The following TRMT9B variants were observed in gnomAD, a reference collection of about 807,000 sequenced individuals.
TRMT9B encodes the protein probable tRNA methyltransferase 9B.
Under a neutral mutation model 11.5 loss-of-function variants are expected in TRMT9B, and 16 were observed. The observed-to-expected ratio is 1.39, with a 90% CI of 0.94 to 2.11. The LOEUF (loss-of-function observed/expected upper bound fraction) is 2.11, where lower values mean the gene tolerates loss of function less well. Ranked by LOEUF, TRMT9B falls within the 30% of genes most tolerant of loss-of-function variation. TRMT9B has a pLI of 0.00. For synonymous variants in TRMT9B, 274 were observed against 192.4 expected, an observed-to-expected ratio of 1.42 and a Z score of -3.51; for missense variants, 941 against 553.8, an observed-to-expected ratio of 1.70 and a Z score of -7.02.
chr8:13,009,134 G>A (rs1384531136), intron 3 of TRMT9B, among the ~76,000 whole-genome samples: 5 of 152,108 alleles, frequency 3.3e-5, no homozygotes, highest in Non-Finnish European at 5.9e-5. Context: ...ATTATGCTAG[G>A]TGAAATCAGC....
intron 1 of TRMT9B, among the ~76,000 whole-genome samples, chr8:12,983,852 GT>G (rs1361498749): frequency 6.6e-6 from 1 of 152,106 alleles, no homozygotes; most frequent in Admixed American, 6.5e-5. Context: ...GCTCTTATTT[GT>G]TGCTGTTAAC....
chr8:13,009,764 A>G (rs775006877), intron 3 of TRMT9B, among the ~76,000 whole-genome samples: 2 of 152,194 alleles, frequency 1.3e-5, no homozygotes, highest in Non-Finnish European at 2.9e-5. Flanking sequence ...AAACCTGCCT[A>G]GCATTCTATG....
In TRMT9B at chr8:13,025,656, T is replaced by C. The variant is rs1248975694; in HGVS notation, c.*3612T>C. ...CAAAATAATGTTATAGTGAGAATCA[T>C]TCAAGCACCTATTTAAATTTTTTCC... On this transcript the variant is annotated 3_prime_UTR_variant, in exon 5 of 5. Transcript: ENST00000524591. 1 of 167,096 alleles carries C rather than the reference T, an allele frequency of 6.0e-6. No homozygotes were observed. The highest frequency in any genetic ancestry group is 1.5e-5 in the Non-Finnish European group (1 of 68,124). 10.4% of individuals were successfully genotyped at this position (167,096 alleles called of 1,614,324 possible). A position where few individuals can be genotyped will look rare whatever the true frequency, so the allele number is the denominator to read the frequency against.
At chr8:12,950,346 C>T (rs1195041991) in intron 1 of TRMT9B, among the ~76,000 whole-genome samples, 1 of 152,166 alleles carries the variant, frequency 6.6e-6, no homozygotes, top group Non-Finnish European at 1.5e-5. Context: ...AGGCACTATC[C>T]TATACTTTAG....
chr8:13,017,685 C>G (rs968365531), intron 4 of TRMT9B, among the ~76,000 whole-genome samples: 1 of 141,488 alleles, frequency 7.1e-6, no homozygotes, highest in Admixed American at 7.5e-5. Context: ...ATGATCTTGA[C>G]TCACTTCAAC....
rs973633034 is a variant in TRMT9B, at chr8:13,027,574, A to T, written c.*5530A>T. On this transcript the variant is annotated 3_prime_UTR_variant, in exon 5 of 5. Transcript: ENST00000524591. ...GTCTCATTTCCTGCAGTTGCACCCG[A>T]TTTTTTCTGTTCTGCAATCTGCTAT... is the stretch of plus-strand genomic sequence containing the variant. The T allele has an allele frequency of 6.0e-6, 1 of 166,942 alleles. No homozygotes were observed. 10.3% of individuals were successfully genotyped at this position (166,942 alleles called of 1,614,324 possible). A position where few individuals can be genotyped will look rare whatever the true frequency, so the allele number is the denominator to read the frequency against.
At chr8:13,002,745 T>C (rs1809679169) in intron 2 of TRMT9B, among the ~76,000 whole-genome samples, 1 of 152,160 alleles carries the variant, frequency 6.6e-6, no homozygotes, top group South Asian at 2.1e-4. Flanking sequence ...AACTGGTGGG[T>C]GAGCAAATAA....
Position 13,022,196 on chromosome 8 carries a change from A to C in TRMT9B, c.*152A>C. ...TTAATTATTTGGTTGTTTTGTTTTC[A>C]TTTTTGAATAAGCACAGATTCTGGC... On this transcript the variant is annotated 3_prime_UTR_variant, in exon 5 of 5. Transcript: ENST00000524591. 3.4e-6 allele frequency: 2 copies of C among 592,588 alleles called. No homozygotes were observed. The highest frequency in any genetic ancestry group is 5.7e-5 in the South Asian group (2 of 35,024). 36.7% of individuals were successfully genotyped at this position (592,588 alleles called of 1,614,324 possible). A position where few individuals can be genotyped will look rare whatever the true frequency, so the allele number is the denominator to read the frequency against.
chr8:12,965,751 G>A (rs969942999), intron 1 of TRMT9B, among the ~76,000 whole-genome samples: 4 of 152,028 alleles, frequency 2.6e-5, no homozygotes, highest in Non-Finnish European at 5.9e-5. Context: ...AGCAACTCAC[G>A]CCTGTAATCC....
At chr8:12,977,740 T>C (rs1804686187) in intron 1 of TRMT9B, among the ~76,000 whole-genome samples, 1 of 151,380 alleles carries the variant, frequency 6.6e-6, no homozygotes, top group South Asian at 2.1e-4. Flanking sequence ...TGCAGCTGGG[T>C]GCAGTGGCTC....
intron 1 of TRMT9B, among the ~76,000 whole-genome samples, chr8:12,987,112 G>A (rs766109390): frequency 6.6e-6 from 1 of 152,136 alleles, no homozygotes; most frequent in Non-Finnish European, 1.5e-5. Context: ...CTCGCCATCT[G>A]TATAGTTAAG....
Position 13,028,793 on chromosome 8 carries a change from C to A in TRMT9B, c.*6749C>A, listed in dbSNP as rs1400678329. ...ACAAACTTTCACCATGTTGGCCAGG[C>A]TGGTCTTGAACTCCTGACCTCTTAC... On this transcript the variant is annotated 3_prime_UTR_variant, in exon 5 of 5. Transcript: ENST00000524591. 7.8e-5 allele frequency: 13 copies of A among 166,166 alleles called. No individual in the cohort carries two copies. The allele number at this position is 166,166 out of a possible 1,614,324, so 10.3% of individuals were successfully genotyped here.
Position 13,022,211 on chromosome 8 carries a change from C to G in TRMT9B, c.*167C>G, listed in dbSNP as rs777171619. The stretch of plus-strand genomic sequence containing the variant: ...TTTTGTTTTCATTTTTGAATAAGCA[C>G]AGATTCTGGCATTGAAAGCACTTGA... On this transcript the variant is annotated 3_prime_UTR_variant, in exon 5 of 5. Coordinates refer to ENST00000524591, the MANE Select transcript of TRMT9B (RefSeq NM_020844.3). 7.1e-5 allele frequency: 39 copies of G among 551,974 alleles called. No homozygotes were observed. Among genetic ancestry groups the G allele is most frequent in the Non-Finnish European group, 1.2e-4 (37 of 311,966 alleles). The allele number at this position is 551,974 out of a possible 1,614,324, so 34.2% of individuals were successfully genotyped here.
intron 1 of TRMT9B, among the ~76,000 whole-genome samples, chr8:12,977,386 T>A (rs924066666): frequency 3.9e-5 from 6 of 152,156 alleles, no homozygotes; most frequent in African/African-American, 1.4e-4. Flanking sequence ...GAAGTCACCA[T>A]GACCATCTTA....
At chr8:13,009,521 A>T (rs1021801613) in intron 3 of TRMT9B, among the ~76,000 whole-genome samples, 2 of 152,090 alleles carry the variant, frequency 1.3e-5, no homozygotes, top group Non-Finnish European at 2.9e-5. Flanking sequence ...AGCAACCCAC[A>T]CCAGAGGCCT....
At chr8:12,984,780 G>C (rs2460908) in intron 1 of TRMT9B, among the ~76,000 whole-genome samples, 6,047 of 152,048 alleles carry the variant, frequency 0.04, 159 homozygotes, top group African/African-American at 0.069. Context: ...GTTCATTTCT[G>C]ACATTCTCTC....
chr8:13,028,458 T>G lies in TRMT9B; in HGVS notation c.*6414T>G, dbSNP rs1814961429. ...ACCTCCACATTGAAAAACGAGTGAGTCACTGCAGTTAAGCCAGTGTACCTT... is the reference window on the plus strand; with the variant it reads ...ACCTCCACATTGAAAAACGAGTGAGGCACTGCAGTTAAGCCAGTGTACCTT... On this transcript the variant is annotated 3_prime_UTR_variant, in exon 5 of 5. Transcript: ENST00000524591. 1.2e-5 allele frequency: 2 copies of G among 166,980 alleles called. No individual in the cohort carries two copies. The highest frequency in any genetic ancestry group is 2.9e-5 in the Non-Finnish European group (2 of 68,106). The allele number at this position is 166,980 out of a possible 1,614,324, so 10.3% of individuals were successfully genotyped here.
chr8:12,952,426 GCA>G (rs1321957218), intron 1 of TRMT9B: 1 of 305,560 alleles, frequency 3.3e-6, no homozygotes, highest in East Asian at 1.0e-4. Context: ...AAACAGCCTT[GCA>G]ATACGATCAA....
intron 3 of TRMT9B, among the ~76,000 whole-genome samples, chr8:13,008,714 C>T (rs919733998): frequency 1.3e-5 from 2 of 152,128 alleles, no homozygotes; most frequent in East Asian, 1.9e-4. Flanking sequence ...CAACACATGT[C>T]ATAGAAATCT....
Sources: gnomAD v4.1 joint callset for allele counts (sites outside exome capture counted in the v4.1 genomes callset) on GRCh38, gnomAD v4.1.1 for gene constraint, MANE v1.5 for transcripts, NCBI Gene and HGNC (gene_info 2026-07-23, HGNC 2026-07-21) for gene names.